MORC1: variants seen among roughly 807,000 people sequenced by gnomAD.
MORC1 encodes MORC family CW-type zinc finger protein 1.
A neutral mutation model predicts 134.9 loss-of-function variants in MORC1; 59 were observed. The ratio of observed to expected loss-of-function variants is 0.44; its 90% CI spans 0.35 to 0.54. The LOEUF is 0.54. Among genes scored for constraint, MORC1 ranks in the 20% least tolerant of loss-of-function variants. The pLI, the probability that MORC1 is intolerant of heterozygous loss-of-function variation, is 0.00. For synonymous variants in MORC1, 395 were observed against 391.7 expected (o/e 1.01, Z -0.10); for missense variants, 947 against 1,134.5 (o/e 0.83, Z 2.37).
chr3:109,096,572 C>T (rs977952397), intron 6 of MORC1, among the ~76,000 whole-genome samples: 2 of 152,180 alleles, frequency 1.3e-5, no homozygotes, highest in Non-Finnish European at 2.9e-5. Context: ...GGAAACCTCA[C>T]TTCCTGGAAT....
intron 14 of MORC1, among the ~76,000 whole-genome samples, chr3:109,049,774 G>T (rs1949778736): frequency 6.6e-6 from 1 of 152,120 alleles, no homozygotes; most frequent in African/African-American, 2.4e-5. Context: ...ATATTATTAG[G>T]TGTACCAATA....
Position 109,069,614 on chromosome 3 carries a change from T to G in MORC1, c.815+18A>C. ...TAAATAAAAACTCTGTGAAGATAAC[T>G]GAAGAAAGATGAGTTACCTGGGTCT... is the stretch of plus-strand genomic sequence containing the variant. On this transcript the variant is annotated intron_variant, in intron 9 of 27. Coordinates refer to ENST00000232603, the MANE Select transcript of MORC1 (RefSeq NM_014429.4). 1 of 1,546,522 alleles carries G rather than the reference T, an allele frequency of 6.5e-7. No individual in the cohort carries two copies. The highest frequency in any genetic ancestry group is 8.8e-7 in the Non-Finnish European group (1 of 1,139,748).
intron 14 of MORC1, among the ~76,000 whole-genome samples, chr3:109,043,436 G>A (rs1057055514): frequency 6.6e-6 from 1 of 152,136 alleles, no homozygotes; most frequent in African/African-American, 2.4e-5. Flanking sequence ...ATTGTTTCAT[G>A]GGTATAGCAT....
chr3:109,026,976 G>C (rs1014442196), intron 17 of MORC1, among the ~76,000 whole-genome samples: 3 of 152,100 alleles, frequency 2.0e-5, no homozygotes, highest in African/African-American at 7.2e-5. Context: ...TATGAGCCCA[G>C]GAAAACACTT....
intron 23 of MORC1, among the ~76,000 whole-genome samples, chr3:108,981,361 T>TATA (rs1315797963): frequency 6.6e-6 from 1 of 152,196 alleles, no homozygotes; most frequent in African/African-American, 2.4e-5. Flanking sequence ...TGGCATTAAT[T>TATA]ATACTGTCTA....
intron 17 of MORC1, among the ~76,000 whole-genome samples, chr3:109,011,518 G>GTTTTTTTTTTTTT: frequency 6.8e-6 from 1 of 146,092 alleles, no homozygotes; most frequent in Admixed American, 6.8e-5. Flanking sequence ...TTTGTGCTTT[G>GTTTTTTTTTTTTT]TTTTTGTTTT....
intron 16 of MORC1, among the ~76,000 whole-genome samples, chr3:109,029,658 C>T (rs1949190340): frequency 6.6e-6 from 1 of 152,080 alleles, no homozygotes; most frequent in African/African-American, 2.4e-5. Flanking sequence ...AATGTATAGC[C>T]TCCCTCTGTG....
intron 17 of MORC1, among the ~76,000 whole-genome samples, chr3:109,017,229 T>C (rs952121560): frequency 1.3e-5 from 2 of 152,202 alleles, no homozygotes; most frequent in Admixed American, 1.3e-4. Flanking sequence ...TCATAATAGA[T>C]ATAAAGGAAA....
chr3:109,068,107 T>C (rs556979776), intron 9 of MORC1, among the ~76,000 whole-genome samples: 5 of 152,312 alleles, frequency 3.3e-5, no homozygotes, highest in African/African-American at 1.2e-4. Context: ...AGAAATCAAA[T>C]GAAATAGTTC....
intron 14 of MORC1, among the ~76,000 whole-genome samples, chr3:109,040,932 G>T (rs969594568): frequency 6.7e-5 from 10 of 150,210 alleles, no homozygotes; most frequent in African/African-American, 2.0e-4. Context: ...AACTTAAAAA[G>T]AAAATAGAAA....
intron 17 of MORC1, 97 bp from the exon 18 acceptor site, chr3:109,007,188 G>T: frequency 2.3e-6 from 2 of 868,026 alleles, no homozygotes; most frequent in South Asian, 1.8e-5. Context: ...CTTAAAGAAG[G>T]GTCAAGATAG....
At chr3:109,027,225 T>G (rs1004730487) in intron 17 of MORC1, among the ~76,000 whole-genome samples, 1 of 152,238 alleles carries the variant, frequency 6.6e-6, no homozygotes, top group Non-Finnish European at 1.5e-5. Flanking sequence ...CATGCCACAT[T>G]TTCTTACACT....
At chr3:109,016,090 G>A (rs777887604) in intron 17 of MORC1, among the ~76,000 whole-genome samples, 5 of 152,084 alleles carry the variant, frequency 3.3e-5, no homozygotes, top group Non-Finnish European at 7.4e-5. Flanking sequence ...ATGAAACAAC[G>A]TTTTGACTGT....
chr3:109,109,285 T>A (rs917024424), intron 3 of MORC1, among the ~76,000 whole-genome samples: 3 of 152,142 alleles, frequency 2.0e-5, no homozygotes, highest in African/African-American at 7.2e-5. Context: ...GTATTGTCTA[T>A]CTCTCCCCAT....
chr3:109,046,704 G>A (rs1403615716), intron 14 of MORC1, among the ~76,000 whole-genome samples: 1 of 152,028 alleles, frequency 6.6e-6, no homozygotes, highest in Non-Finnish European at 1.5e-5. Flanking sequence ...TGGATTAGAG[G>A]AATATTTTAA....
chr3:109,007,743 G>A (rs1173402663), intron 17 of MORC1, among the ~76,000 whole-genome samples: 5 of 152,130 alleles, frequency 3.3e-5, no homozygotes, highest in Non-Finnish European at 7.4e-5. Flanking sequence ...TCATGGCATT[G>A]TTTCTCTTCA....
chr3:109,075,565 A>G (rs958025337), intron 8 of MORC1, among the ~76,000 whole-genome samples: 1 of 152,104 alleles, frequency 6.6e-6, no homozygotes, highest in African/African-American at 2.4e-5. Context: ...AATCCTTTCC[A>G]CATTGCCTGT....
At chr3:109,014,329 C>A (rs11920955) in intron 17 of MORC1, among the ~76,000 whole-genome samples, 1 of 151,862 alleles carries the variant, frequency 6.6e-6, no homozygotes, top group East Asian at 1.9e-4. Flanking sequence ...GTACCTCATA[C>A]AAGATTTTGA....
Position 109,103,870 on chromosome 3 carries a change from C to A in MORC1, c.202G>T (p.Asp68Tyr). ...TTACCAGGGCTCATGCCACATCCAT[C>A]ATCCAGGAAACACAACATGAATCCC... is the stretch of plus-strand genomic sequence containing the variant. The part of the protein sequence containing the change: ...QGGFMLCFLD[D>Y]GCGMSPEEAS... Residue 68 changes from aspartate to tyrosine, a missense_variant, in exon 4 of 28, where the codon GAT becomes TAT. Asp to Tyr is a radical substitution (Grantham distance 160). This residue lies in a region of MORC1 where 214 missense variants were observed against 281.3 expected (regional missense o/e 0.76). Coordinates refer to ENST00000232603, the MANE Select transcript of MORC1 (RefSeq NM_014429.4). The A allele has an allele frequency of 6.2e-7, 1 of 1,613,980 alleles. No individual in the cohort carries two copies. Among genetic ancestry groups the A allele is most frequent in the East Asian group, 2.2e-5 (1 of 44,866 alleles).
Sources: allele counts gnomAD v4.1 joint callset (sites outside exome capture counted in the v4.1 genomes callset), GRCh38; gene constraint gnomAD v4.1.1; regional missense constraint gnomAD v4.1.1; transcripts MANE v1.5; gene names NCBI Gene and HGNC (gene_info 2026-07-23, HGNC 2026-07-21).